The following PLCB1 variants were observed in gnomAD, a reference collection of about 807,000 sequenced individuals.
PLCB1 encodes the protein 1-phosphatidylinositol 4,5-bisphosphate phosphodiesterase beta-1.
PLCB1 carries 46 observed loss-of-function variants against 161.8 expected under a neutral mutation model. The observed-to-expected ratio is 0.28, with a 90% CI of 0.22 to 0.36. PLCB1 has a LOEUF of 0.36. PLCB1 is among the 10% of genes least tolerant of loss of function. The probability of loss-of-function intolerance (pLI) is 1.00; values close to 1 mark genes in which losing one functional copy is unlikely to be tolerated. For synonymous variants in PLCB1, 517 were observed against 503.7 expected (o/e 1.03, Z -0.35); for missense variants, 1,016 against 1,472.5 (o/e 0.69, Z 5.07).
intron 19 of PLCB1, 138 bp from the exon 20 acceptor site, chr20:8,736,890 A>G (rs1568578678): frequency 3.6e-5 from 23 of 644,570 alleles, no homozygotes; most frequent in South Asian, 2.2e-4. Context: ...TCATATTTCT[A>G]CTCTTGCTTC....
chr20:8,683,402 A>G (rs921304844), intron 9 of PLCB1, among the ~76,000 whole-genome samples: 9 of 151,742 alleles, frequency 5.9e-5, no homozygotes, highest in African/African-American at 9.7e-5. Flanking sequence ...ACAAGAAAAA[A>G]AAAAGAAATG....
intron 2 of PLCB1, among the ~76,000 whole-genome samples, chr20:8,248,541 G>A (rs1980993634): frequency 6.6e-6 from 1 of 151,932 alleles, no homozygotes; most frequent in Admixed American, 6.6e-5. Flanking sequence ...GGCAGCAGCA[G>A]TATCTGCTAC....
At chr20:8,706,873 C>A (rs772069861) in intron 11 of PLCB1, among the ~76,000 whole-genome samples, 12 of 152,190 alleles carry the variant, frequency 7.9e-5, no homozygotes, top group Non-Finnish European at 1.5e-4. Flanking sequence ...CACAACAGAT[C>A]TGTGAAGTGA....
At chr20:8,174,912 T>C (rs1252828338) in intron 2 of PLCB1, among the ~76,000 whole-genome samples, 2 of 151,272 alleles carry the variant, frequency 1.3e-5, no homozygotes, top group East Asian at 3.9e-4. Flanking sequence ...AATAATAAAA[T>C]AAATAAAAAA....
chr20:8,268,737 A>G (rs1288206730), intron 2 of PLCB1, among the ~76,000 whole-genome samples: 1 of 151,952 alleles, frequency 6.6e-6, no homozygotes, highest in African/African-American at 2.4e-5. Flanking sequence ...GCATTTTTTC[A>G]TGTGTCTGTT....
intron 3 of PLCB1, among the ~76,000 whole-genome samples, chr20:8,523,492 C>CTATATA (rs1273305505): frequency 1.6e-5 from 1 of 61,858 alleles, no homozygotes; most frequent in African/African-American, 6.9e-5. Context: ...CTCTCTCTCT[C>CTATATA]TCTCTATATA....
At position 8,696,575 on chromosome 20, in the gene PLCB1, A is replaced by G. The variant is rs367738969; in HGVS notation, c.1010-1051A>G. Among the ~76,000 whole-genome samples the G allele has an allele frequency of 2.6e-4, 40 of 152,300 alleles. No homozygotes were observed. The East Asian group carries it at 6.8e-3, about 26-fold the overall frequency. On this transcript the variant is annotated intron_variant, in intron 10 of 31. Transcript: ENST00000338037. ...TGATAAGAATTGAATCTTTAGGCCA[A>G]TGGTGGGGAGTAGTGTCATCTTAGC...
intron 3 of PLCB1, among the ~76,000 whole-genome samples, chr20:8,619,165 G>A (rs1038051694): frequency 5.3e-5 from 8 of 152,190 alleles, no homozygotes; most frequent in African/African-American, 4.8e-5. Flanking sequence ...GGCCGGGTGC[G>A]GTGGCTCATG....
intron 2 of PLCB1, among the ~76,000 whole-genome samples, chr20:8,316,101 G>A (rs1245286520): frequency 6.6e-6 from 1 of 152,114 alleles, no homozygotes; most frequent in Non-Finnish European, 1.5e-5. Context: ...ATTGATATCT[G>A]GCAGAGCTGG....
intron 3 of PLCB1, among the ~76,000 whole-genome samples, chr20:8,386,154 C>T (rs1411852464): frequency 6.6e-6 from 1 of 152,192 alleles, no homozygotes; most frequent in East Asian, 1.9e-4. Context: ...TTTTGACCTT[C>T]TCCCATGAAT....
chr20:8,861,927 T>G (rs1164509470), intron 31 of PLCB1, among the ~76,000 whole-genome samples: 2 of 152,178 alleles, frequency 1.3e-5, no homozygotes, highest in Non-Finnish European at 2.9e-5. Flanking sequence ...TAACTTGACT[T>G]ATTGGAAAAC....
chr20:8,699,097 C>T (rs112425118), intron 11 of PLCB1, among the ~76,000 whole-genome samples: 13 of 152,230 alleles, frequency 8.5e-5, no homozygotes, highest in African/African-American at 2.4e-4. Flanking sequence ...ATGTTCTCTC[C>T]GCTGACTCCG....
rs1030887902 is a variant in PLCB1 at position 8,347,472 on chromosome 20, G to A, written c.178-23910G>A. Among the ~76,000 whole-genome samples the A allele has an allele frequency of 3.7e-4, 56 of 152,142 alleles. 1 individual carries two copies. Among genetic ancestry groups the A allele is most frequent in the Admixed American group, 4.6e-4 (7 of 15,232 alleles). Reference sequence around the variant, plus strand: ...AAAGGGAAAGAACAGACTCCAATTGGAGCTAGGTGATATGTCTAAAATAAA... The same window carrying A: ...AAAGGGAAAGAACAGACTCCAATTGAAGCTAGGTGATATGTCTAAAATAAA... On this transcript the variant is annotated intron_variant, in intron 2 of 31. Transcript: ENST00000338037.
At chr20:8,628,794 T>C (rs1023192732) in intron 4 of PLCB1, among the ~76,000 whole-genome samples, 1 of 151,850 alleles carries the variant, frequency 6.6e-6, no homozygotes, top group Admixed American at 6.6e-5. Flanking sequence ...ATTAGCTGGG[T>C]GTGGTGGCGG....
At chr20:8,794,333 A>C (rs2146228429) in intron 31 of PLCB1, among the ~76,000 whole-genome samples, 1 of 152,364 alleles carries the variant, frequency 6.6e-6, no homozygotes, top group African/African-American at 2.4e-5. Context: ...GATTGCAGTA[A>C]AGACAGGCGT....
At chr20:8,310,217 G>A (rs1490937460) in intron 2 of PLCB1, among the ~76,000 whole-genome samples, 1 of 152,042 alleles carries the variant, frequency 6.6e-6, no homozygotes, top group African/African-American at 2.4e-5. Context: ...TTCTTTAAAG[G>A]AAATCATGTT....
chr20:8,426,603 TAGAA>T (rs1979785790), intron 3 of PLCB1, among the ~76,000 whole-genome samples: 1 of 152,206 alleles, frequency 6.6e-6, no homozygotes, highest in African/African-American at 2.4e-5. Context: ...TGAGCAAGTC[TAGAA>T]ATCTCATTTA....
chr20:8,688,088 G>A (rs576744875), intron 10 of PLCB1, among the ~76,000 whole-genome samples: 11 of 152,288 alleles, frequency 7.2e-5, no homozygotes, highest in African/African-American at 2.6e-4. Flanking sequence ...GATCATTAGT[G>A]ATGTTGAGCA....
intron 2 of PLCB1, among the ~76,000 whole-genome samples, chr20:8,285,972 C>G (rs1284246611): frequency 6.6e-6 from 1 of 152,152 alleles, no homozygotes; most frequent in Non-Finnish European, 1.5e-5. Context: ...TTAGTCCTTT[C>G]ATATAGTAGT....
Sources: gnomAD v4.1 joint callset for allele counts (sites outside exome capture counted in the v4.1 genomes callset) on GRCh38, gnomAD v4.1.1 for gene constraint, MANE v1.5 for transcripts, NCBI Gene and HGNC (gene_info 2026-07-23, HGNC 2026-07-21) for gene names.